Variants in SKOR2 observed in about 807,000 individuals in gnomAD.
SKOR2 encodes the protein LBX1 corepressor 1-like protein.
A neutral mutation model predicts 69.1 loss-of-function variants in SKOR2; 47 were observed. The observed-to-expected ratio is 0.68, with a 90% CI of 0.54 to 0.87. SKOR2 has a LOEUF of 0.87. Among genes scored for constraint, SKOR2 ranks in the 40% least tolerant of loss-of-function variants. SKOR2 has a pLI of 0.00. For missense variants in SKOR2, 1,404 were observed against 1,472.2 expected (o/e 0.95, Z 0.76); for synonymous variants, 717 against 672.6 (o/e 1.07, Z -1.02).
chr18:47,231,265 C>A (rs1478184093), intron 4 of SKOR2: 6 of 1,137,376 alleles, frequency 5.3e-6, no homozygotes, highest in Non-Finnish European at 7.5e-6. Flanking sequence ...CCCTCTCCAA[C>A]CCCCTACCGC....
At position 47,247,286 on chromosome 18, in the gene SKOR2, G is replaced by C. The variant is rs938752363; in HGVS notation, c.1898C>G (p.Ala633Gly). 45 of 1,482,492 alleles carry C rather than the reference G, an allele frequency of 3.0e-5. No individual in the cohort carries two copies. Among genetic ancestry groups the C allele is most frequent in the Non-Finnish European group, 3.7e-5 (41 of 1,122,400 alleles). The allele number at this position is 1,482,492 out of a possible 1,614,324, so 91.8% of individuals were successfully genotyped here. A position where few individuals can be genotyped will look rare whatever the true frequency, so the allele number is the denominator to read the frequency against. ...AFRPVGGKDD[A>G]ESLAKLHGAS... is the part of the protein sequence containing the mutation. ...CCCGTGCAGCTTGGCCAGGCTCTCC[G>C]CGTCGTCCTTGCCGCCCACTGGCCG... The change falls in exon 2 of 9, where the codon GCG (alanine) becomes GGG (glycine). Residue 633 changes from alanine to glycine, a missense_variant. This residue lies in a region of SKOR2 where 1,266 missense variants were observed against 1,309.9 expected (regional missense o/e 0.97). Coordinates refer to ENST00000425639, the MANE Select transcript of SKOR2 (RefSeq NM_001278063.4). This position sits in a 1 kb window ranked among gnomAD's most constrained non-coding sequence, Gnocchi z 6.6.
chr18:47,211,827 C>T (rs895973178), intron 8 of SKOR2, among the ~76,000 whole-genome samples: 1 of 152,222 alleles, frequency 6.6e-6, no homozygotes, highest in African/African-American at 2.4e-5. Context: ...AATCTTAAAA[C>T]GGAAAGAAGA....
intron 6 of SKOR2, among the ~76,000 whole-genome samples, chr18:47,227,326 ATTT>A (rs778462203): frequency 6.6e-5 from 6 of 91,124 alleles, no homozygotes; most frequent in African/African-American, 3.2e-4. Flanking sequence ...CAAGAAGCCA[ATTT>A]TTTTTTTTTT....
At chr18:47,227,407 G>A (rs890697291) in intron 6 of SKOR2, among the ~76,000 whole-genome samples, 31 of 140,198 alleles carry the variant, frequency 2.2e-4, no homozygotes, top group African/African-American at 8.1e-4. Context: ...GCGTGATCTC[G>A]GCTCACTGCA....
rs2064288190 is a variant in SKOR2, at chr18:47,247,844, T to C, written c.1340A>G (p.Lys447Arg). The stretch of plus-strand genomic sequence containing the variant: ...CCAGAAGAGGCCGGACAAGCCGGCC[T>C]TGGGCGCCGCGCCCGCGCCGCCTGC... ...AGAGGAGAAP[K>R]AGLSGLFWPA... The change falls in exon 2 of 9, where the codon AAG (lysine) becomes AGG (arginine). Residue 447 changes from lysine (K) to arginine (R), a missense_variant. Lys to Arg is a conservative substitution (Grantham distance 26, BLOSUM62 2). Transcript: ENST00000425639. This position sits in a 1 kb window ranked among gnomAD's most constrained non-coding sequence, Gnocchi z 6.6. 11 of 1,365,630 alleles carry C rather than the reference T, an allele frequency of 8.1e-6. No individual in the cohort carries two copies. The Admixed American group carries it at 2.4e-4, about 30-fold the overall frequency. The allele number at this position is 1,365,630 out of a possible 1,614,324, so 84.6% of individuals were successfully genotyped here.
intron 6 of SKOR2, among the ~76,000 whole-genome samples, chr18:47,224,500 G>C (rs1313915150): frequency 2.0e-5 from 3 of 152,184 alleles, no homozygotes; most frequent in East Asian, 1.9e-4. Flanking sequence ...CAAACCCATA[G>C]GGTACATCTG....
Position 47,246,730 on chromosome 18 carries a change from C to G in SKOR2, c.2454G>C (p.Arg818Ser). ...CGAGTTTCCCGTCTTCCTGCAGCAG[C>G]CTGGAGGAGTTCAGGCCGAGCGGGA... ...GAFPLGLNSS[R>S]LLQEDGKLGD... is the part of the protein sequence containing the mutation. The change falls in exon 2 of 9, where the codon AGG (arginine) becomes AGC (serine). Residue 818 changes from arginine (R) to serine (S), a missense_variant. Arg to Ser is a moderately radical substitution (Grantham distance 110). This residue lies in a region of SKOR2 where 1,266 missense variants were observed against 1,309.9 expected (regional missense o/e 0.97). Transcript: ENST00000425639. The G allele has an allele frequency of 7.0e-7, 1 of 1,436,398 alleles. No individual in the cohort carries two copies. The highest frequency in any genetic ancestry group is 9.0e-7 in the Non-Finnish European group (1 of 1,107,800). 89.0% of individuals were successfully genotyped at this position (1,436,398 alleles called of 1,614,324 possible). A position where few individuals can be genotyped will look rare whatever the true frequency, so the allele number is the denominator to read the frequency against.
At chr18:47,210,121 A>G (rs923725693) in intron 8 of SKOR2, among the ~76,000 whole-genome samples, 1 of 152,128 alleles carries the variant, frequency 6.6e-6, no homozygotes, top group African/African-American at 2.4e-5. Flanking sequence ...TGAATCTCAC[A>G]AGTGCTGAGT....
chr18:47,236,320 T>C (rs886905472), intron 4 of SKOR2, among the ~76,000 whole-genome samples: 2 of 152,224 alleles, frequency 1.3e-5, no homozygotes, highest in Admixed American at 6.5e-5. Flanking sequence ...AACAGGCATT[T>C]ATTTTTCACA....
chr18:47,216,393 T>C (rs569728691), intron 7 of SKOR2, among the ~76,000 whole-genome samples: 3 of 152,312 alleles, frequency 2.0e-5, no homozygotes, highest in Admixed American at 2.0e-4. Context: ...TTTTGAGCTA[T>C]TTTTTAAAAA....
In SKOR2 at chr18:47,213,375, T is replaced by A. The variant is rs1304427034; in HGVS notation, c.2986-1224A>T. 1.0e-4 allele frequency among the ~76,000 whole-genome samples: 15 copies of A among 147,892 alleles called. No individual in the cohort carries two copies. The East Asian group carries it at 2.1e-3, about 21-fold the overall frequency. On this transcript the variant is annotated intron_variant, in intron 7 of 8. Transcript: ENST00000425639. ...TAGGCAATGATATATATATATTTAT[T>A]TATATATATATTTATATATATCATA...
At chr18:47,223,320 T>TACA (rs1300607226) in intron 6 of SKOR2, among the ~76,000 whole-genome samples, 1 of 151,992 alleles carries the variant, frequency 6.6e-6, no homozygotes, top group Non-Finnish European at 1.5e-5. Context: ...GAAAAGGAAA[T>TACA]AATATGAAAT....
At position 47,219,931 on chromosome 18, in the gene SKOR2, A is replaced by T. The variant is rs1019487079; in HGVS notation, c.2985+12T>A. The T allele has an allele frequency of 2.6e-6, 4 of 1,534,432 alleles. No individual in the cohort carries two copies. The highest frequency in any genetic ancestry group is 3.5e-6 in the Non-Finnish European group (4 of 1,145,624). ...TAAGTTGCATTTATTTTTAAGTAGA[A>T]ATGCAGCTTACAATTTGTAACTGTT... On this transcript the variant is annotated intron_variant, in intron 7 of 8. Coordinates refer to ENST00000425639, the MANE Select transcript of SKOR2 (RefSeq NM_001278063.4).
At chr18:47,228,882 T>C (rs753255023) in intron 6 of SKOR2, among the ~76,000 whole-genome samples, 7 of 152,266 alleles carry the variant, frequency 4.6e-5, no homozygotes, top group Non-Finnish European at 8.8e-5. Context: ...TCTTTCAGTC[T>C]CATTCTAAAG....
intron 2 of SKOR2, 70 bp from the exon 3 acceptor site, chr18:47,245,631 C>T: frequency 7.3e-7 from 1 of 1,373,282 alleles, no homozygotes; most frequent in Non-Finnish European, 9.6e-7. Context: ...CAACAGTCAG[C>T]AGGAAGAAGC....
At chr18:47,238,925 A>AG (rs1221090843) in intron 4 of SKOR2, among the ~76,000 whole-genome samples, 11 of 152,244 alleles carry the variant, frequency 7.2e-5, no homozygotes, top group African/African-American at 1.2e-4. Context: ...CAGCAGGCAC[A>AG]GGGCCTGGCC....
chr18:47,239,917 G>C (rs1237002286), intron 4 of SKOR2, among the ~76,000 whole-genome samples: 2 of 151,976 alleles, frequency 1.3e-5, no homozygotes, highest in African/African-American at 4.8e-5. Context: ...CACCTAGTGA[G>C]GGAATTAAAA....
chr18:47,216,085 C>T (rs1481657532), intron 7 of SKOR2, among the ~76,000 whole-genome samples: 3 of 152,200 alleles, frequency 2.0e-5, no homozygotes, highest in African/African-American at 7.2e-5. Context: ...AATCTTCAGT[C>T]AGCTTCTTCA....
chr18:47,230,247 T>C (rs906999823), intron 6 of SKOR2, among the ~76,000 whole-genome samples: 2 of 152,092 alleles, frequency 1.3e-5, no homozygotes, highest in African/African-American at 2.4e-5. Flanking sequence ...CATATATCCA[T>C]ACACAAATAC....
Sources: allele counts gnomAD v4.1 joint callset (sites outside exome capture counted in the v4.1 genomes callset), GRCh38; gene constraint gnomAD v4.1.1; regional missense constraint gnomAD v4.1.1; non-coding constraint Gnocchi (gnomAD v3.1); transcripts MANE v1.5; gene names NCBI Gene and HGNC (gene_info 2026-07-23, HGNC 2026-07-21).